FRMD6: variants seen among roughly 807,000 people sequenced by gnomAD.
The protein encoded by FRMD6 is FERM domain-containing protein 6.
A neutral mutation model predicts 73.2 loss-of-function variants in FRMD6; 37 were observed. That is an observed-to-expected ratio of 0.51 (90% CI 0.39 to 0.66). The LOEUF is 0.66. Ranked by LOEUF, FRMD6 falls within the 30% of genes least tolerant of loss-of-function variation. The pLI, the probability that FRMD6 is intolerant of heterozygous loss-of-function variation, is 0.00. For missense variants in FRMD6, 714 were observed against 780.5 expected (o/e 0.91, Z 1.02); for synonymous variants, 273 against 282.2 (o/e 0.97, Z 0.33).
At chr14:51,716,962 T>C (rs775373112) in intron 10 of FRMD6, among the ~76,000 whole-genome samples, 1 of 152,208 alleles carries the variant, frequency 6.6e-6, no homozygotes, top group Non-Finnish European at 1.5e-5. Flanking sequence ...GTTGATTTGT[T>C]CTATCAGCTT....
chr14:51,530,983 T>A (rs879497043), intron 1 of FRMD6, among the ~76,000 whole-genome samples: 5 of 152,188 alleles, frequency 3.3e-5, no homozygotes, highest in Non-Finnish European at 7.3e-5. Context: ...TGCGCCAGCA[T>A]CTGGTGAGGG....
chr14:51,693,476 C>G (rs80118225), intron 2 of FRMD6, among the ~76,000 whole-genome samples: 2,006 of 152,252 alleles, frequency 0.013, 55 homozygotes, highest in African/African-American at 0.046. Flanking sequence ...TACTCCACAA[C>G]TTTGCAATCT....
intron 1 of FRMD6, among the ~76,000 whole-genome samples, chr14:51,521,836 A>T (rs1884972454): frequency 1.3e-5 from 2 of 152,174 alleles, no homozygotes; most frequent in Non-Finnish European, 2.9e-5. Context: ...TCTCTTCTTT[A>T]ACTGACCAAG....
In FRMD6 at chr14:51,681,612, C is replaced by A. The variant is rs1894802509; in HGVS notation, c.-146-8079C>A. On this transcript the variant is annotated intron_variant, in intron 1 of 13. Transcript: ENST00000344768. Reference sequence around the variant, plus strand: ...AAGCTCTTAACAGCCTATTATGCTGCCTACTGCCATACAGTATTTCCTCTT... The same window carrying A: ...AAGCTCTTAACAGCCTATTATGCTGACTACTGCCATACAGTATTTCCTCTT... 2.0e-5 allele frequency among the ~76,000 whole-genome samples: 3 copies of A among 152,148 alleles called. No homozygotes were observed. In the South Asian group the frequency reaches 6.2e-4, roughly 32 times the overall value.
At chr14:51,518,697 T>C (rs964160319) in intron 1 of FRMD6, among the ~76,000 whole-genome samples, 11 of 152,338 alleles carry the variant, frequency 7.2e-5, no homozygotes, top group Admixed American at 7.2e-4. Context: ...TCTCTCATTT[T>C]GGAAAATTTT....
At chr14:51,440,901 A>C in the FRMD6 span, among the ~76,000 whole-genome samples, 1 of 152,366 alleles carries the variant, frequency 6.6e-6, no homozygotes, top group East Asian at 1.9e-4. Flanking sequence ...GATTTGTCCA[A>C]GATCAGAGAG....
At chr14:51,530,252 G>C (rs1885504686) in intron 1 of FRMD6, among the ~76,000 whole-genome samples, 1 of 152,126 alleles carries the variant, frequency 6.6e-6, no homozygotes, top group Non-Finnish European at 1.5e-5. Flanking sequence ...GGTTACTGTA[G>C]CTCTCTTCCC....
At chr14:51,603,552 T>C (rs552027760) in intron 2 of FRMD6, among the ~76,000 whole-genome samples, 1 of 152,258 alleles carries the variant, frequency 6.6e-6, no homozygotes, top group African/African-American at 2.4e-5. Flanking sequence ...ATACTAGAGA[T>C]GGTTAGAAAA....
At chr14:51,568,139 A>G (rs947196309) in intron 1 of FRMD6, among the ~76,000 whole-genome samples, 2 of 152,264 alleles carry the variant, frequency 1.3e-5, no homozygotes, top group Admixed American at 1.3e-4. Context: ...CTTTTCTAGA[A>G]TAAAAATATC....
upstream of FRMD6, among the ~76,000 whole-genome samples, chr14:51,487,223 C>T (rs772951579): frequency 1.4e-4 from 22 of 152,286 alleles, no homozygotes; most frequent in Non-Finnish European, 2.8e-4. Flanking sequence ...AGCTTTATAA[C>T]TGGCTTATAG....
intron 1 of FRMD6, chr14:51,546,555 G>T: frequency 7.5e-6 from 1 of 133,310 alleles, no homozygotes. Context: ...ATCTAACAGG[G>T]TAAAGGTAAT....
chr14:51,440,028 A>G, the FRMD6 span, among the ~76,000 whole-genome samples: 5 of 152,352 alleles, frequency 3.3e-5, no homozygotes, highest in African/African-American at 1.2e-4. Context: ...AAGAACAGCC[A>G]GTTAGAAATG....
chr14:51,580,894 G>A (rs1286273776), intron 2 of FRMD6, among the ~76,000 whole-genome samples: 1 of 152,216 alleles, frequency 6.6e-6, no homozygotes, highest in Non-Finnish European at 1.5e-5. Flanking sequence ...ATTGTGCAGT[G>A]CACAGCCTGC....
chr14:51,554,757 A>G (rs376473231), intron 1 of FRMD6: 38 of 152,352 alleles, frequency 2.5e-4, no homozygotes, highest in Middle Eastern at 3.4e-3. Context: ...GACACATCCA[A>G]TTTCCATTCG....
At chr14:51,421,836 C>T in the FRMD6 span, among the ~76,000 whole-genome samples, 4 of 152,220 alleles carry the variant, frequency 2.6e-5, no homozygotes, top group African/African-American at 9.6e-5. Flanking sequence ...AAGAGTCCCA[C>T]AGCATGAGGA....
At chr14:51,668,351 G>T (rs2140218041) in intron 1 of FRMD6, among the ~76,000 whole-genome samples, 1 of 152,310 alleles carries the variant, frequency 6.6e-6, no homozygotes, top group South Asian at 2.1e-4. Flanking sequence ...CCTTTACCCA[G>T]GCTGGAGTGC....
chr14:51,413,136 A>G, the FRMD6 span, among the ~76,000 whole-genome samples: 3 of 151,730 alleles, frequency 2.0e-5, no homozygotes, highest in Non-Finnish European at 4.4e-5. Context: ...GACTACAGGC[A>G]CACACTACCA....
chr14:51,428,143 AAGTG>A, the FRMD6 span, among the ~76,000 whole-genome samples: 5 of 152,182 alleles, frequency 3.3e-5, no homozygotes, highest in Non-Finnish European at 5.9e-5. Flanking sequence ...CAAACTTTTC[AAGTG>A]AGTATTTTCC....
At chr14:51,400,530 A>G in the FRMD6 span, among the ~76,000 whole-genome samples, 3 of 152,248 alleles carry the variant, frequency 2.0e-5, no homozygotes, top group South Asian at 2.1e-4. Flanking sequence ...TGGCAACTCA[A>G]CTTTATCCAG....
Sources: allele counts gnomAD v4.1 joint callset (sites outside exome capture counted in the v4.1 genomes callset), GRCh38; gene constraint gnomAD v4.1.1; transcripts MANE v1.5; gene names NCBI Gene and HGNC (gene_info 2026-07-23, HGNC 2026-07-21).